The following XIAP variants were observed in gnomAD, a reference collection of about 807,000 sequenced individuals.
XIAP encodes the protein X-linked inhibitor of apoptosis.
XIAP carries 3 observed loss-of-function variants against 33.1 expected under a neutral mutation model. The ratio of observed to expected loss-of-function variants is 0.09; its 90% CI spans 0.04 to 0.23. XIAP has a LOEUF of 0.23. Among genes scored for constraint, XIAP ranks in the 10% least tolerant of loss-of-function variants. The pLI is 1.00. For missense variants in XIAP, 264 were observed against 363.0 expected, an observed-to-expected ratio of 0.73 and a Z score of 2.22; for synonymous variants, 98 against 121.3, an observed-to-expected ratio of 0.81 and a Z score of 1.26.
chrX:123,891,115 G>T, intron 3 of XIAP, 123 bp from the exon 4 acceptor site: 1 of 364,919 alleles, frequency 2.7e-6, no homozygotes, highest in Non-Finnish European at 4.8e-6. Flanking sequence ...TTACTTTGTG[G>T]CTCCTTAGAA....
intron 5 of XIAP, among the ~76,000 whole-genome samples, chrX:123,899,386 T>G (rs1176946156): frequency 9.6e-6 from 1 of 104,134 alleles, no homozygotes; most frequent in East Asian, 2.9e-4. Context: ...ATATATATGT[T>G]AAAATATATA....
chrX:123,889,896 A>G (rs963632245), intron 3 of XIAP, among the ~76,000 whole-genome samples: 1 of 108,583 alleles, frequency 9.2e-6, no homozygotes, highest in Admixed American at 1.0e-4. Context: ...TTTTATGATC[A>G]GCGTGAGAGC....
In XIAP at chrX:123,913,747, G is replaced by A. The variant is rs770051891; in HGVS notation, c.*6566G>A. On this transcript the variant is annotated 3_prime_UTR_variant, in exon 7 of 7. Coordinates refer to ENST00000371199, the MANE Select transcript of XIAP (RefSeq NM_001167.4). ...TTTCATTACTGTTATATTTTAACCT[G>A]ACTGACTGATCTAATTGTATTAGTA... 97 of 323,061 alleles carry A rather than the reference G, an allele frequency of 3.0e-4. 2 individuals are homozygous for A. The highest frequency in any genetic ancestry group is 2.0e-3 in the South Asian group (75 of 37,073). The allele number at this position is 323,061 out of a possible 1,213,427, so 26.6% of individuals were successfully genotyped here. A position where few individuals can be genotyped will look rare whatever the true frequency, so the allele number is the denominator to read the frequency against.
intron 1 of XIAP, among the ~76,000 whole-genome samples, chrX:123,881,062 A>G (rs1204542369): frequency 3.6e-5 from 4 of 110,397 alleles, no homozygotes; most frequent in African/African-American, 1.3e-4. Flanking sequence ...TTTCCCAACT[A>G]CTGTTACCCT....
Position 123,900,705 on chromosome X carries a change from T to G in XIAP, c.1300+12T>G, listed in dbSNP as rs2053507953. On this transcript the variant is annotated intron_variant, in intron 6 of 6. Transcript: ENST00000371199. ...TTCATTACAGAAAGGTATGCATTGC[T>G]GTTTTTAAAAAGCAAGAAAGGGCCA... The G allele has an allele frequency of 8.3e-6, 10 of 1,203,121 alleles. No individual in the cohort carries two copies. Among genetic ancestry groups the G allele is most frequent in the Non-Finnish European group, 1.0e-5 (9 of 888,875 alleles).
chrX:123,894,659 TTGGGAGGC>T (rs2053442755), intron 5 of XIAP, among the ~76,000 whole-genome samples: 1 of 110,571 alleles, frequency 9.0e-6, no homozygotes, highest in Admixed American at 9.8e-5. Context: ...TCCCAGCTAC[TTGGGAGGC>T]TGGGGCAGGA....
rs757140848 is a variant in XIAP, at chrX:123,912,749, A to G, written c.*5568A>G. ...GCCCAGGATGGAGTGCAATGGCACAATCTTGGCTCATGGCAAACTCTGCCT... is the reference window on the plus strand; with the variant it reads ...GCCCAGGATGGAGTGCAATGGCACAGTCTTGGCTCATGGCAAACTCTGCCT... On this transcript the variant is annotated 3_prime_UTR_variant, in exon 7 of 7. Transcript: ENST00000371199. 17 of 325,514 alleles carry G rather than the reference A, an allele frequency of 5.2e-5. No homozygotes were observed. Among genetic ancestry groups the G allele is most frequent in the Admixed American group, 2.8e-4 (9 of 31,615 alleles). 26.8% of individuals were successfully genotyped at this position (325,514 alleles called of 1,213,427 possible).
rs778747447 is a variant in XIAP, at chrX:123,886,469, C to G, written c.807C>G (p.Ile269Met). The G allele has an allele frequency of 1.1e-5, 13 of 1,206,904 alleles. No homozygotes were observed. Among genetic ancestry groups the G allele is most frequent in the Non-Finnish European group, 3.4e-6 (3 of 895,319 alleles). ...CCATGGCAGATTATGAAGCACGGAT[C>G]TTTACTTTTGGGACATGGATATACT... is the stretch of plus-strand genomic sequence containing the variant. ...NPSMADYEAR[I>M]FTFGTWIYSV... The change falls in exon 2 of 7, where the codon ATC becomes ATG. Residue 269 changes from isoleucine to methionine, a missense_variant. Physicochemically the swap from Ile to Met is conservative, Grantham distance 10. Coordinates refer to ENST00000371199, the MANE Select transcript of XIAP (RefSeq NM_001167.4).
chrX:123,907,261 G>C lies in XIAP; in HGVS notation c.*80G>C, dbSNP rs12838858. On this transcript the variant is annotated 3_prime_UTR_variant, in exon 7 of 7. Transcript: ENST00000371199. ...GATGTGAACTGACTTTAAGTAATCA[G>C]GATTGAATTCCATTAGCATTTGCTA... 0.085 allele frequency: 77,686 copies of C among 915,101 alleles called. 2,669 individuals are homozygous for C. The highest frequency in any genetic ancestry group is 0.1 in the Non-Finnish European group (64,329 of 638,652). 75.4% of individuals were successfully genotyped at this position (915,101 alleles called of 1,213,427 possible). A position where few individuals can be genotyped will look rare whatever the true frequency, so the allele number is the denominator to read the frequency against.
chrX:123,907,599 T>C lies in XIAP; in HGVS notation c.*418T>C, dbSNP rs939018134. 11 of 376,777 alleles carry C rather than the reference T, an allele frequency of 2.9e-5. No individual in the cohort carries two copies. In the South Asian group the frequency reaches 3.0e-4, roughly 10 times the overall value. The allele number at this position is 376,777 out of a possible 1,213,427, so 31.1% of individuals were successfully genotyped here. Reference sequence around the variant, plus strand: ...AATCTCCCCAATCACATAATTTGTTTTGTGTGAAAAAGGAATAAATTGTTC... The same window carrying C: ...AATCTCCCCAATCACATAATTTGTTCTGTGTGAAAAAGGAATAAATTGTTC... On this transcript the variant is annotated 3_prime_UTR_variant, in exon 7 of 7. Transcript: ENST00000371199.
chrX:123,888,002 AT>A (rs1279752356), intron 2 of XIAP, among the ~76,000 whole-genome samples: 45 of 67,666 alleles, frequency 6.7e-4, no homozygotes, highest in African/African-American at 2.2e-3. Flanking sequence ...AATAATAATA[AT>A]TAATAAATAA....
intron 1 of XIAP, among the ~76,000 whole-genome samples, chrX:123,883,796 G>GT (rs1243245316): frequency 4.5e-5 from 5 of 110,488 alleles, no homozygotes; most frequent in East Asian, 2.8e-4. Context: ...ATGCCCGGCT[G>GT]TTTTTTTTAA....
Position 123,913,423 on chromosome X carries a change from TGG to T in XIAP, c.*6243_*6244del, listed in dbSNP as rs1442468299. 1 of 327,925 alleles carries T rather than the reference TGG, an allele frequency of 3.0e-6. No homozygotes were observed. The highest frequency in any genetic ancestry group is 9.7e-5 in the East Asian group (1 of 10,285). 27.0% of individuals were successfully genotyped at this position (327,925 alleles called of 1,213,427 possible). The stretch of plus-strand genomic sequence containing the variant: ...AGGCGGAGGTTGCAGGGAGCCAAGA[TGG>T]CGCCACCGCACTCCAGCCTAGGTGA... On this transcript the variant is annotated 3_prime_UTR_variant, in exon 7 of 7. Transcript: ENST00000371199.
intron 1 of XIAP, among the ~76,000 whole-genome samples, chrX:123,877,176 A>G (rs1391057418): frequency 9.2e-6 from 1 of 109,131 alleles, no homozygotes; most frequent in Non-Finnish European, 1.9e-5. Context: ...AGTAATTCTC[A>G]TATCTCAGCC....
intron 2 of XIAP, among the ~76,000 whole-genome samples, chrX:123,887,482 A>G (rs960389865): frequency 6.2e-5 from 7 of 112,792 alleles, no homozygotes; most frequent in African/African-American, 2.3e-4. Context: ...ATGCCTATAA[A>G]ATATTGGTTA....
At chrX:123,874,676 A>G (rs1000288896) in intron 1 of XIAP, 1 of 98,706 alleles carries the variant, frequency 1.0e-5, no homozygotes, top group East Asian at 3.1e-4. Flanking sequence ...ATATACACTC[A>G]TAATGAAATG....
intron 1 of XIAP, among the ~76,000 whole-genome samples, chrX:123,866,604 T>C (rs2053140646): frequency 9.7e-6 from 1 of 102,965 alleles, no homozygotes; most frequent in African/African-American, 3.5e-5. Context: ...TAATATATTA[T>C]ATATAATATA....
chrX:123,912,715 C>T lies in XIAP; in HGVS notation c.*5534C>T, dbSNP rs1167372343. On this transcript the variant is annotated 3_prime_UTR_variant, in exon 7 of 7. Transcript: ENST00000371199. ...TTTTTTTTTTTAATTTAAACAGTCT[C>T]ACTGTGTTGCCCAGGATGGAGTGCA... is the stretch of plus-strand genomic sequence containing the variant. The T allele has an allele frequency of 3.1e-6, 1 of 322,966 alleles. No homozygotes were observed. Among genetic ancestry groups the T allele is most frequent in the African/African-American group, 2.7e-5 (1 of 36,576 alleles). The allele number at this position is 322,966 out of a possible 1,213,427, so 26.6% of individuals were successfully genotyped here.
At position 123,912,110 on chromosome X, in the gene XIAP, TTATAAC is replaced by T. The variant is rs1431095323; in HGVS notation, c.*4932_*4937del. On this transcript the variant is annotated 3_prime_UTR_variant, in exon 7 of 7. Coordinates refer to ENST00000371199, the MANE Select transcript of XIAP (RefSeq NM_001167.4). ...CTTTCACTACATATTAAATGACACT[TTATAAC>T]TAATATAATAGGACAATCATCAATG... 21 of 324,747 alleles carry T rather than the reference TTATAAC, an allele frequency of 6.5e-5. No homozygotes were observed. Among genetic ancestry groups the T allele is most frequent in the Admixed American group, 6.4e-4 (20 of 31,430 alleles). The allele number at this position is 324,747 out of a possible 1,213,427, so 26.8% of individuals were successfully genotyped here. A position where few individuals can be genotyped will look rare whatever the true frequency, so the allele number is the denominator to read the frequency against.
Sources: allele counts gnomAD v4.1 joint callset (sites outside exome capture counted in the v4.1 genomes callset), GRCh38; gene constraint gnomAD v4.1.1; transcripts MANE v1.5; gene names NCBI Gene and HGNC (gene_info 2026-07-23, HGNC 2026-07-21).